The following RBM20 variants were observed in gnomAD, a reference collection of about 807,000 sequenced individuals.
RBM20 encodes the protein RNA binding motif protein 20.
A neutral mutation model predicts 110.1 loss-of-function variants in RBM20; 51 were observed. That is an observed-to-expected ratio of 0.46 (90% CI 0.37 to 0.59). The LOEUF (loss-of-function observed/expected upper bound fraction) is 0.59. Ranked by LOEUF, RBM20 falls within the 20% of genes least tolerant of loss-of-function variation. The pLI is 0.00. For synonymous variants in RBM20, 589 were observed against 618.2 expected (o/e 0.95, Z 0.70); for missense variants, 1,512 against 1,574.9 (o/e 0.96, Z 0.68).
intron 9 of RBM20, among the ~76,000 whole-genome samples, chr10:110,815,796 CAGAA>C (rs200906579): frequency 1.3e-5 from 2 of 152,224 alleles, no homozygotes; most frequent in African/African-American, 4.8e-5. Context: ...AAAAGAATCT[CAGAA>C]AGCCCCAAGA....
chr10:110,714,251 G>T (rs752317262), intron 1 of RBM20, among the ~76,000 whole-genome samples: 1 of 152,214 alleles, frequency 6.6e-6, no homozygotes, highest in Non-Finnish European at 1.5e-5. Flanking sequence ...TCTTGCCCAT[G>T]CTGGGTAGCT....
At chr10:110,676,860 A>G (rs1341181276) in intron 1 of RBM20, among the ~76,000 whole-genome samples, 1 of 152,214 alleles carries the variant, frequency 6.6e-6, no homozygotes, top group African/African-American at 2.4e-5. Context: ...AGAGGTTTAA[A>G]ATATATGTAG....
At chr10:110,703,795 T>G (rs1197959396) in intron 1 of RBM20, among the ~76,000 whole-genome samples, 1 of 152,126 alleles carries the variant, frequency 6.6e-6, no homozygotes, top group Non-Finnish European at 1.5e-5. Flanking sequence ...TTTCTAAAAT[T>G]TTGTCGTTTT....
chr10:110,745,580 C>T (rs1217119308), intron 1 of RBM20, among the ~76,000 whole-genome samples: 2 of 152,104 alleles, frequency 1.3e-5, no homozygotes, highest in African/African-American at 2.4e-5. Context: ...CTAACTTAGC[C>T]CCTTGTCTTG....
rs56961050 is a variant in RBM20, at chr10:110,668,014, A to C, written c.191+23369A>C. 4.6e-3 allele frequency among the ~76,000 whole-genome samples: 697 copies of C among 152,342 alleles called. 35 individuals are homozygous for C. In the East Asian group the frequency reaches 0.12, roughly 25 times the overall value. ...ACATGCTGCATTTCCTTTTTATAAAAATATGAAGATCACTGCGCTCAGGAA... is the reference window on the plus strand; with the variant it reads ...ACATGCTGCATTTCCTTTTTATAAACATATGAAGATCACTGCGCTCAGGAA... On this transcript the variant is annotated intron_variant, in intron 1 of 13. Transcript: ENST00000369519.
intron 1 of RBM20, among the ~76,000 whole-genome samples, chr10:110,768,030 C>T (rs147744472): frequency 0.022 from 3,347 of 152,354 alleles, 119 homozygotes; most frequent in African/African-American, 0.073. Context: ...GAGCTGGAGA[C>T]CAGCCCGGCC....
chr10:110,827,642 T>C (rs1017579185), intron 12 of RBM20: 1 of 152,204 alleles, frequency 6.6e-6, no homozygotes, highest in Non-Finnish European at 1.5e-5. Context: ...GCCATAGTAA[T>C]AGGAGGCTAC....
At chr10:110,668,011 A>G (rs1322758782) in intron 1 of RBM20, among the ~76,000 whole-genome samples, 1 of 152,206 alleles carries the variant, frequency 6.6e-6, no homozygotes, top group Non-Finnish European at 1.5e-5. Flanking sequence ...TCCTTTTTAT[A>G]AAAATATGAA....
At chr10:110,692,081 T>C (rs1034048727) in intron 1 of RBM20, among the ~76,000 whole-genome samples, 1 of 151,764 alleles carries the variant, frequency 6.6e-6, no homozygotes, top group African/African-American at 2.4e-5. Flanking sequence ...ATCATATATG[T>C]AAAGATTTTT....
chr10:110,724,066 C>T lies in RBM20; in HGVS notation c.192-56735C>T, dbSNP rs190962600. ...GGTTACATTACTAGCCAAAAGTTAC[C>T]GGGTAAGAGACCAAGCCAGGGTCCA... On this transcript the variant is annotated intron_variant, in intron 1 of 13. Transcript: ENST00000369519. 8.5e-5 allele frequency among the ~76,000 whole-genome samples: 13 copies of T among 152,242 alleles called. No homozygotes were observed. In the East Asian group the frequency reaches 2.1e-3, roughly 25 times the overall value.
intron 1 of RBM20, among the ~76,000 whole-genome samples, chr10:110,703,934 A>G (rs1329524305): frequency 6.6e-6 from 1 of 152,206 alleles, no homozygotes; most frequent in Non-Finnish European, 1.5e-5. Flanking sequence ...CAATATGGCG[A>G]AACACCATCT....
intron 1 of RBM20, among the ~76,000 whole-genome samples, chr10:110,692,080 G>T (rs1862593396): frequency 6.6e-6 from 1 of 151,676 alleles, no homozygotes; most frequent in Admixed American, 6.6e-5. Flanking sequence ...GATCATATAT[G>T]TAAAGATTTT....
intron 5 of RBM20, among the ~76,000 whole-genome samples, chr10:110,794,073 C>T (rs1043092383): frequency 6.6e-6 from 1 of 152,170 alleles, no homozygotes; most frequent in Non-Finnish European, 1.5e-5. Context: ...AGGGACCTCA[C>T]TCCGCCTGTT....
intron 1 of RBM20, among the ~76,000 whole-genome samples, chr10:110,683,173 A>C (rs1381997627): frequency 1.3e-5 from 2 of 152,144 alleles, no homozygotes; most frequent in Non-Finnish European, 2.9e-5. Context: ...CGAATTCTTG[A>C]CCACCTTCTT....
At chr10:110,822,486 G>A (rs942958716) in intron 11 of RBM20, 7 of 456,582 alleles carry the variant, frequency 1.5e-5, no homozygotes, top group African/African-American at 4.0e-5. Context: ...TGGAGGTGAC[G>A]TTTTGTGCCT....
At chr10:110,752,907 TTATATATTTATAC>T in intron 1 of RBM20, among the ~76,000 whole-genome samples, 2 of 140,072 alleles carry the variant, frequency 1.4e-5, no homozygotes, top group South Asian at 2.2e-4. Flanking sequence ...TACATATATA[TTATATATTTATAC>T]ATATATATAT....
upstream of RBM20, among the ~76,000 whole-genome samples, chr10:110,644,030 G>A (rs942231063): frequency 5.3e-5 from 8 of 152,208 alleles, no homozygotes; most frequent in African/African-American, 9.6e-5. The surrounding 1 kb of genome is among the most constrained non-coding windows in gnomAD (Gnocchi z 4.3). Flanking sequence ...CCGACCGCGG[G>A]CTGCGTGTGT....
rs1160235706 is a variant in RBM20, at chr10:110,838,178, T to C, written c.*2200T>C. ...TTTTCTGTCTATAAAGCCAACCTCC[T>C]CCGCTCAGCTCATGGGAACACTCAT... On this transcript the variant is annotated 3_prime_UTR_variant, in exon 14 of 14. Coordinates refer to ENST00000369519, the MANE Select transcript of RBM20 (RefSeq NM_001134363.3). The C allele has an allele frequency of 6.6e-6, 1 of 152,158 alleles. No homozygotes were observed. The highest frequency in any genetic ancestry group is 1.5e-5 in the Non-Finnish European group (1 of 68,026). The allele number at this position is 152,158 out of a possible 1,614,324, so 9.4% of individuals were successfully genotyped here.
chr10:110,686,761 G>A (rs542182291), intron 1 of RBM20, among the ~76,000 whole-genome samples: 6 of 152,226 alleles, frequency 3.9e-5, no homozygotes, highest in East Asian at 1.9e-4. Flanking sequence ...GAAATAGGCC[G>A]GGTGCAGTGA....
Sources: gnomAD v4.1 joint callset for allele counts (sites outside exome capture counted in the v4.1 genomes callset) on GRCh38, gnomAD v4.1.1 for gene constraint, Gnocchi (gnomAD v3.1) non-coding constraint, MANE v1.5 for transcripts, NCBI Gene and HGNC (gene_info 2026-07-23, HGNC 2026-07-21) for gene names.